The following ERC2 variants were observed in gnomAD, a reference collection of about 807,000 sequenced individuals.
ERC2 encodes ELKS/RAB6-interacting/CAST family member 2.
ERC2 carries 42 observed loss-of-function variants against 114.8 expected under a neutral mutation model. The ratio of observed to expected loss-of-function variants is 0.37; its 90% confidence interval spans 0.29 to 0.47. The LOEUF is 0.47. Ranked by LOEUF, ERC2 falls within the 20% of genes least tolerant of loss-of-function variation. The probability of loss-of-function intolerance (pLI) is 0.99; values close to 1 mark genes in which losing one functional copy is unlikely to be tolerated. For synonymous variants in ERC2, 454 were observed against 425.5 expected, an observed-to-expected ratio of 1.07 and a Z score of -0.82; for missense variants, 939 against 1,150.7, an observed-to-expected ratio of 0.82 and a Z score of 2.66.
At chr3:56,221,160 A>T (rs114191404) in intron 3 of ERC2, among the ~76,000 whole-genome samples, 44,798 of 151,302 alleles carry the variant, frequency 0.3, 8,237 homozygotes, top group Middle Eastern at 0.42. Flanking sequence ...TTGAAAATTG[A>T]AAATTTTCAA....
At chr3:55,806,660 A>G (rs1280030620) in intron 14 of ERC2, among the ~76,000 whole-genome samples, 2 of 152,200 alleles carry the variant, frequency 1.3e-5, no homozygotes, top group African/African-American at 4.8e-5. Context: ...GCTACTAAGC[A>G]TCCTACAAGA....
chr3:55,663,963 G>T (rs1213470320), intron 17 of ERC2, among the ~76,000 whole-genome samples: 1 of 152,156 alleles, frequency 6.6e-6, no homozygotes, highest in Non-Finnish European at 1.5e-5. Context: ...GCGCTTGTTT[G>T]TAAATTGTAC....
chr3:55,936,362 AG>A (rs5849119), intron 13 of ERC2, among the ~76,000 whole-genome samples: 44,671 of 152,110 alleles, frequency 0.29, 7,815 homozygotes, highest in Non-Finnish European at 0.37. Flanking sequence ...TGGATACGTA[AG>A]ATAGTCCTAC....
intron 1 of ERC2, among the ~76,000 whole-genome samples, chr3:56,457,325 A>G (rs2063109138): frequency 6.6e-6 from 1 of 152,162 alleles, no homozygotes; most frequent in Admixed American, 6.5e-5. Context: ...TCACCTGGAA[A>G]ATGGTCTTTC....
At chr3:55,732,665 C>CAAAGTA in intron 15 of ERC2, among the ~76,000 whole-genome samples, 1 of 152,242 alleles carries the variant, frequency 6.6e-6, no homozygotes, top group Non-Finnish European at 1.5e-5. Context: ...ACATGAGGAG[C>CAAAGTA]AAAGTATCTA....
rs188683891 is a variant in ERC2 at position 56,299,914 on chromosome 3, G to A, written c.658-3479C>T. Among the ~76,000 whole-genome samples, 14 of 152,290 alleles carry A rather than the reference G, an allele frequency of 9.2e-5. No individual in the cohort carries two copies. In the East Asian group the frequency reaches 1.9e-3, roughly 21 times the overall value. On this transcript the variant is annotated intron_variant, in intron 2 of 17. Coordinates refer to ENST00000288221, the MANE Select transcript of ERC2 (RefSeq NM_015576.3). ...TTAAGATTCGTAAACCAGCCAGAAG[G>A]AAATTCCAAAGAAAAACTGCCAAAT... is the stretch of plus-strand genomic sequence containing the variant.
chr3:56,160,999 A>G (rs1009470703), intron 4 of ERC2, among the ~76,000 whole-genome samples: 6 of 152,146 alleles, frequency 3.9e-5, no homozygotes, highest in African/African-American at 1.2e-4. Context: ...ACGATTCCCA[A>G]TGTTGGAGGT....
chr3:55,628,674 G>A (rs1376289283), intron 17 of ERC2, among the ~76,000 whole-genome samples: 2 of 152,126 alleles, frequency 1.3e-5, no homozygotes, highest in African/African-American at 4.8e-5. Context: ...AGTAGGAAAG[G>A]CCTGGGAAAA....
At chr3:56,109,266 A>G (rs1002158718) in intron 6 of ERC2, among the ~76,000 whole-genome samples, 14 of 152,260 alleles carry the variant, frequency 9.2e-5, no homozygotes, top group South Asian at 2.1e-4. Flanking sequence ...AAGTGAGAAC[A>G]TGCGGTATTT....
At chr3:56,220,800 C>G (rs1442056141) in intron 3 of ERC2, among the ~76,000 whole-genome samples, 1 of 152,170 alleles carries the variant, frequency 6.6e-6, no homozygotes, top group Non-Finnish European at 1.5e-5. Context: ...AAGTACACAT[C>G]TGGTATTTCC....
chr3:55,736,680 TCA>T (rs2148927833), intron 14 of ERC2, among the ~76,000 whole-genome samples: 1 of 152,294 alleles, frequency 6.6e-6, no homozygotes, highest in South Asian at 2.1e-4. Context: ...AGAGGTAAGT[TCA>T]TTTTTTACTT....
chr3:56,425,972 C>CT (rs1237753369), intron 2 of ERC2, among the ~76,000 whole-genome samples: 1 of 152,156 alleles, frequency 6.6e-6, no homozygotes, highest in African/African-American at 2.4e-5. Context: ...TTTCTTTGGC[C>CT]TTTCTTTCAT....
At chr3:56,439,326 T>TC (rs1371737025) in intron 1 of ERC2, among the ~76,000 whole-genome samples, 3 of 152,134 alleles carry the variant, frequency 2.0e-5, no homozygotes, top group African/African-American at 7.2e-5. Context: ...GTGCCTGCAG[T>TC]CCCAGCTACT....
chr3:55,879,651 G>A (rs1032510503), intron 14 of ERC2, among the ~76,000 whole-genome samples: 1 of 152,148 alleles, frequency 6.6e-6, no homozygotes, highest in Non-Finnish European at 1.5e-5. Flanking sequence ...ATAGACTAGA[G>A]GTGTAATTGC....
intron 15 of ERC2, among the ~76,000 whole-genome samples, chr3:55,714,667 G>GTGTGTATATATA (rs2063990871): frequency 2.3e-5 from 2 of 88,594 alleles, no homozygotes; most frequent in African/African-American, 1.0e-4. Context: ...GTGTGTGTGT[G>GTGTGTATATATA]TATATATATA....
intron 3 of ERC2, among the ~76,000 whole-genome samples, chr3:56,198,856 C>T (rs1451389098): frequency 1.3e-5 from 2 of 152,164 alleles, no homozygotes; most frequent in Admixed American, 1.3e-4. Context: ...TACAAGATCA[C>T]AGGCCACCAC....
At chr3:56,067,992 T>C (rs754335270) in intron 7 of ERC2, among the ~76,000 whole-genome samples, 1 of 152,178 alleles carries the variant, frequency 6.6e-6, no homozygotes, top group Non-Finnish European at 1.5e-5. Context: ...GGTATTGGCC[T>C]GAATTTTTTG....
At chr3:55,569,586 G>A (rs1045710678) in intron 17 of ERC2, among the ~76,000 whole-genome samples, 7 of 152,110 alleles carry the variant, frequency 4.6e-5, no homozygotes, top group Non-Finnish European at 8.8e-5. Flanking sequence ...TAAATTAGAC[G>A]AATCGTTTTC....
intron 14 of ERC2, among the ~76,000 whole-genome samples, chr3:55,824,854 C>T (rs1227991236): frequency 6.6e-6 from 1 of 152,204 alleles, no homozygotes; most frequent in Non-Finnish European, 1.5e-5. Context: ...TATAGCAAAG[C>T]TTCTCCTGCC....
Sources: allele counts gnomAD v4.1 joint callset (sites outside exome capture counted in the v4.1 genomes callset), GRCh38; gene constraint gnomAD v4.1.1; transcripts MANE v1.5; gene names NCBI Gene and HGNC (gene_info 2026-07-23, HGNC 2026-07-21).